The following PHF21B variants were observed in gnomAD, a reference collection of about 807,000 sequenced individuals.
PHF21B encodes the protein PHD finger protein 21B.
Under a neutral mutation model 62.2 loss-of-function variants are expected in PHF21B, and 22 were observed. The observed-to-expected ratio is 0.35, with a 90% CI of 0.25 to 0.51. PHF21B has a LOEUF of 0.51. PHF21B is among the 20% of genes least tolerant of loss of function. The pLI is 0.97. For synonymous variants in PHF21B, 341 were observed against 314.7 expected, an observed-to-expected ratio of 1.08 and a Z score of -0.88; for missense variants, 701 against 707.9, an observed-to-expected ratio of 0.99 and a Z score of 0.11.
At chr22:45,004,382 T>G (rs369590191) in intron 2 of PHF21B, among the ~76,000 whole-genome samples, 21 of 148,654 alleles carry the variant, frequency 1.4e-4, no homozygotes, top group African/African-American at 3.0e-4. Context: ...GCTGTGTGTG[T>G]GGGGGGTGTG....
intron 2 of PHF21B, among the ~76,000 whole-genome samples, chr22:44,948,027 T>TCCCTCCTCCC (rs1193250194): frequency 6.6e-6 from 1 of 152,052 alleles, no homozygotes; most frequent in African/African-American, 2.4e-5. Context: ...CCCACTGCTG[T>TCCCTCCTCCC]CCCGTTCGGA....
intron 2 of PHF21B, among the ~76,000 whole-genome samples, chr22:45,000,061 G>C (rs1469658127): frequency 6.6e-6 from 1 of 152,112 alleles, no homozygotes; most frequent in Non-Finnish European, 1.5e-5. Context: ...TACGGAACCA[G>C]AGCCTCCAAG....
At chr22:44,890,892 C>A (rs1252607471) in intron 8 of PHF21B, among the ~76,000 whole-genome samples, 1 of 152,250 alleles carries the variant, frequency 6.6e-6, no homozygotes, top group Non-Finnish European at 1.5e-5. Flanking sequence ...TGTGCTCTTC[C>A]AATGCCCAGA....
At position 44,951,209 on chromosome 22, in the gene PHF21B, C is replaced by T. The variant is rs190688944; in HGVS notation, c.121-30719G>A. Among the ~76,000 whole-genome samples, 11 of 152,296 alleles carry T rather than the reference C, an allele frequency of 7.2e-5. No homozygotes were observed. In the East Asian group the frequency reaches 7.7e-4, roughly 11 times the overall value. On this transcript the variant is annotated intron_variant, in intron 2 of 12. Coordinates refer to ENST00000313237, the MANE Select transcript of PHF21B (RefSeq NM_138415.5). ...GCTAATGCTTATCTGTATTTGCAGCCGTGCTCCAGTGCCAGCATCACCGCC... is the reference window on the plus strand; with the variant it reads ...GCTAATGCTTATCTGTATTTGCAGCTGTGCTCCAGTGCCAGCATCACCGCC...
chr22:44,976,357 CATA>C (rs1359245109), intron 2 of PHF21B, among the ~76,000 whole-genome samples: 3 of 152,144 alleles, frequency 2.0e-5, no homozygotes, highest in East Asian at 1.9e-4. Context: ...TCTTAAGATA[CATA>C]ATACCATATT....
intron 2 of PHF21B, among the ~76,000 whole-genome samples, chr22:44,960,435 C>T (rs1317591904): frequency 1.3e-5 from 2 of 152,202 alleles, no homozygotes; most frequent in East Asian, 1.9e-4. Flanking sequence ...CACCTGCTCC[C>T]CAGGTCGTCG....
At chr22:44,991,783 C>T (rs993029385) in intron 2 of PHF21B, among the ~76,000 whole-genome samples, 39 of 152,256 alleles carry the variant, frequency 2.6e-4, no homozygotes, top group African/African-American at 8.9e-4. Context: ...CATCCAGCTC[C>T]ATAAGCAGGA....
intron 9 of PHF21B, 145 bp from the exon 10 acceptor site, chr22:44,888,266 G>A (rs1221226466): frequency 2.8e-6 from 3 of 1,052,942 alleles, no homozygotes; most frequent in Non-Finnish European, 3.9e-6. Flanking sequence ...TACGGAGAGA[G>A]AGGGATAAAC....
intron 5 of PHF21B, among the ~76,000 whole-genome samples, chr22:44,906,588 C>A (rs2071254559): frequency 6.6e-6 from 1 of 152,232 alleles, no homozygotes; most frequent in Admixed American, 6.5e-5. Context: ...GAGAGGGCTG[C>A]AGCTCTGTCC....
At chr22:44,935,327 G>A (rs1855050741) in intron 2 of PHF21B, among the ~76,000 whole-genome samples, 1 of 152,112 alleles carries the variant, frequency 6.6e-6, no homozygotes, top group African/African-American at 2.4e-5. Context: ...TAAAACAGAA[G>A]CACATGGCCG....
intron 2 of PHF21B, among the ~76,000 whole-genome samples, chr22:44,955,369 G>A (rs1245468349): frequency 6.6e-6 from 1 of 152,228 alleles, no homozygotes; most frequent in Non-Finnish European, 1.5e-5. Flanking sequence ...ACGGTCCTGT[G>A]ACGGTTAATT....
chr22:44,997,401 C>A (rs1343042262), intron 2 of PHF21B, among the ~76,000 whole-genome samples: 1 of 152,174 alleles, frequency 6.6e-6, no homozygotes, highest in Admixed American at 6.6e-5. Context: ...CTTGGGGGGA[C>A]CTTCTTGCAA....
chr22:44,915,182 T>C (rs2071411555), intron 4 of PHF21B, among the ~76,000 whole-genome samples: 1 of 152,180 alleles, frequency 6.6e-6, no homozygotes, highest in African/African-American at 2.4e-5. Flanking sequence ...GGAAGAAATA[T>C]GTCCATTTTT....
At chr22:44,945,443 G>A (rs913941197) in intron 2 of PHF21B, among the ~76,000 whole-genome samples, 1 of 152,200 alleles carries the variant, frequency 6.6e-6, no homozygotes, top group Non-Finnish European at 1.5e-5. Context: ...TGGGAATTGA[G>A]AGTACATGGG....
chr22:44,989,219 A>G (rs1362872067), intron 2 of PHF21B: 1 of 152,262 alleles, frequency 6.6e-6, no homozygotes, highest in Non-Finnish European at 1.5e-5. Flanking sequence ...AACTCTTCAC[A>G]TGGATGTTCC....
At chr22:44,902,233 C>A in intron 5 of PHF21B, 1 of 201,310 alleles carries the variant, frequency 5.0e-6, no homozygotes, top group South Asian at 8.9e-5. Context: ...TGCAGAACCC[C>A]AGACACCAGA....
intron 2 of PHF21B, among the ~76,000 whole-genome samples, chr22:44,947,441 G>A (rs1314233932): frequency 1.3e-5 from 2 of 152,236 alleles, no homozygotes; most frequent in Non-Finnish European, 2.9e-5. Context: ...CAGCGCCAGG[G>A]CCCAGCCCCC....
At chr22:44,934,220 C>A (rs1206843178) in intron 2 of PHF21B, among the ~76,000 whole-genome samples, 2 of 152,172 alleles carry the variant, frequency 1.3e-5, no homozygotes, top group African/African-American at 2.4e-5. Flanking sequence ...CTCTCAGGTG[C>A]CGCTGGCCCT....
At chr22:44,896,955 T>C (rs2071072327) in intron 5 of PHF21B, among the ~76,000 whole-genome samples, 1 of 135,270 alleles carries the variant, frequency 7.4e-6, no homozygotes, top group Non-Finnish European at 1.5e-5. Flanking sequence ...CACAGCTCAC[T>C]GCAGCTTCAA....
Sources: gnomAD v4.1 joint callset for allele counts (sites outside exome capture counted in the v4.1 genomes callset) on GRCh38, gnomAD v4.1.1 for gene constraint, MANE v1.5 for transcripts, NCBI Gene and HGNC (gene_info 2026-07-23, HGNC 2026-07-21) for gene names.